The following CLVS1 variants were observed in gnomAD, a reference collection of about 807,000 sequenced individuals.
CLVS1 encodes the protein clavesin-1.
In CLVS1, 10 loss-of-function variants were observed where a neutral mutation model predicts 33.1. The observed-to-expected ratio is 0.30, with a 90% CI of 0.19 to 0.51. The LOEUF (loss-of-function observed/expected upper bound fraction) is 0.51, where lower values mean the gene tolerates loss of function less well. Ranked by LOEUF, CLVS1 falls within the 20% of genes least tolerant of loss-of-function variation. The probability of loss-of-function intolerance (pLI) is 0.97; values close to 1 mark genes in which losing one functional copy is unlikely to be tolerated. For missense variants in CLVS1, 343 were observed against 433.4 expected (o/e 0.79, Z 1.85); for synonymous variants, 163 against 166.1 (o/e 0.98, Z 0.14).
intron 2 of CLVS1, among the ~76,000 whole-genome samples, chr8:61,139,865 G>T (rs1343363410): frequency 2.0e-5 from 3 of 152,130 alleles, no homozygotes; most frequent in Admixed American, 6.5e-5. Context: ...ATTCCTGGGC[G>T]CAGCACGAGG....
chr8:61,232,449 AT>A (rs1230291704), intron 2 of CLVS1, among the ~76,000 whole-genome samples: 1 of 152,162 alleles, frequency 6.6e-6, no homozygotes, highest in Non-Finnish European at 1.5e-5. Context: ...TTTTGTGAAT[AT>A]GGAAAGTTTG....
chr8:61,305,972 G>T (rs1337139327), intron 2 of CLVS1, among the ~76,000 whole-genome samples: 1 of 152,106 alleles, frequency 6.6e-6, no homozygotes, highest in African/African-American at 2.4e-5. Context: ...CCATGTCTTT[G>T]CTACTGTGAA....
At chr8:61,396,548 G>T (rs764176224) in intron 3 of CLVS1, among the ~76,000 whole-genome samples, 2 of 152,046 alleles carry the variant, frequency 1.3e-5, no homozygotes, top group Non-Finnish European at 2.9e-5. Context: ...TAATTCATAT[G>T]CCATGTAAGA....
the CLVS1 span, among the ~76,000 whole-genome samples, chr8:60,981,819 G>A: frequency 1.3e-5 from 2 of 152,248 alleles, no homozygotes; most frequent in Admixed American, 6.5e-5. Flanking sequence ...TTGTAAGGAT[G>A]GAGGCCTGTG....
the CLVS1 span, among the ~76,000 whole-genome samples, chr8:61,033,998 T>A: frequency 6.6e-6 from 1 of 152,130 alleles, no homozygotes; most frequent in African/African-American, 2.4e-5. Context: ...CTCTGCCAGA[T>A]CTGCTTGATC....
At chr8:60,982,098 C>T in the CLVS1 span, among the ~76,000 whole-genome samples, 1 of 152,348 alleles carries the variant, frequency 6.6e-6, no homozygotes, top group South Asian at 2.1e-4. Context: ...TCTGTGGGAA[C>T]ATTCATGCCA....
At chr8:61,156,559 G>T (rs1354382778) in intron 2 of CLVS1, among the ~76,000 whole-genome samples, 1 of 152,136 alleles carries the variant, frequency 6.6e-6, no homozygotes, top group Non-Finnish European at 1.5e-5. Context: ...ATGTGTATCT[G>T]TGTGTTTTGT....
chr8:61,063,260 C>CGA (rs555022524), intron 1 of CLVS1, among the ~76,000 whole-genome samples: 14,023 of 81,710 alleles, frequency 0.17, 1,389 homozygotes, highest in Middle Eastern at 0.25. Flanking sequence ...AGTGAGGAAG[C>CGA]GAGAGAGAGA....
the CLVS1 span, among the ~76,000 whole-genome samples, chr8:61,035,639 G>A: frequency 6.6e-6 from 1 of 152,186 alleles, no homozygotes; most frequent in Non-Finnish European, 1.5e-5. Context: ...AAAGCTGCAG[G>A]TGTCTGCCCA....
At chr8:61,407,858 A>G (rs899730198) in intron 3 of CLVS1, among the ~76,000 whole-genome samples, 1 of 152,210 alleles carries the variant, frequency 6.6e-6, no homozygotes, top group Non-Finnish European at 1.5e-5. Context: ...TTTCTTTGCC[A>G]GTTCAAGTGT....
intron 2 of CLVS1, among the ~76,000 whole-genome samples, chr8:61,341,615 C>T (rs564431009): frequency 3.9e-5 from 6 of 152,290 alleles, no homozygotes; most frequent in East Asian, 1.9e-4. Flanking sequence ...CCTCCGTGAA[C>T]GGCAATCCAA....
chr8:60,985,335 C>T, the CLVS1 span, among the ~76,000 whole-genome samples: 1 of 152,246 alleles, frequency 6.6e-6, no homozygotes, highest in Admixed American at 6.5e-5. Flanking sequence ...ATAACTGGCA[C>T]CAGCCACGGG....
intron 1 of CLVS1, among the ~76,000 whole-genome samples, chr8:61,128,467 T>C (rs1806020133): frequency 1.3e-5 from 2 of 152,226 alleles, no homozygotes; most frequent in South Asian, 4.1e-4. Context: ...TTCCTTTCTT[T>C]ACATCTTTTT....
intron 2 of CLVS1, among the ~76,000 whole-genome samples, chr8:61,218,093 G>A (rs1808131237): frequency 6.6e-6 from 1 of 150,618 alleles, no homozygotes; most frequent in Non-Finnish European, 1.5e-5. Flanking sequence ...ACAGTATAGA[G>A]GTTTCTGAAA....
Position 61,400,009 on chromosome 8 carries a change from G to T in CLVS1, c.630+23230G>T, listed in dbSNP as rs575768669. On this transcript the variant is annotated intron_variant, in intron 3 of 5. Transcript: ENST00000325897. The stretch of plus-strand genomic sequence containing the variant: ...GCTCTTTTTGCTTAGGATTGTCTTG[G>T]CTATTTGGGCATTTTTTGCTTCCAT... Among the ~76,000 whole-genome samples the T allele has an allele frequency of 3.3e-5, 5 of 152,178 alleles. No individual in the cohort carries two copies. The East Asian group carries it at 9.6e-4, about 29-fold the overall frequency.
intron 1 of CLVS1, among the ~76,000 whole-genome samples, chr8:61,069,221 G>C (rs1006599014): frequency 1.3e-5 from 2 of 152,156 alleles, no homozygotes; most frequent in African/African-American, 4.8e-5. Flanking sequence ...ACCTGCCTCA[G>C]CCTCCCAAAG....
intron 5 of CLVS1, among the ~76,000 whole-genome samples, chr8:61,473,577 G>A (rs1817810706): frequency 6.6e-6 from 1 of 152,160 alleles, no homozygotes; most frequent in Admixed American, 6.5e-5. Flanking sequence ...AATTGGAGGT[G>A]GAGAGAGTAG....
chr8:61,151,453 G>A (rs1375748391), intron 2 of CLVS1, among the ~76,000 whole-genome samples: 1 of 152,154 alleles, frequency 6.6e-6, no homozygotes, highest in East Asian at 1.9e-4. Context: ...ACTCTTTCAA[G>A]ACCCCATGCC....
At position 61,427,864 on chromosome 8, in the gene CLVS1, C is replaced by T. The variant is rs978558034; in HGVS notation, c.631-26277C>T. Among the ~76,000 whole-genome samples the T allele has an allele frequency of 2.0e-5, 3 of 152,188 alleles. No individual in the cohort carries two copies. The East Asian group carries it at 5.8e-4, about 29-fold the overall frequency. On this transcript the variant is annotated intron_variant, in intron 3 of 5. Transcript: ENST00000325897. Reference sequence around the variant, plus strand: ...AAGCAGAAAAAACTAGCAGTTGGCACCTTTGTGCCTTCCATTGCAGGCCTC... The same window carrying T: ...AAGCAGAAAAAACTAGCAGTTGGCATCTTTGTGCCTTCCATTGCAGGCCTC...
Sources: gnomAD v4.1 joint callset for allele counts (sites outside exome capture counted in the v4.1 genomes callset) on GRCh38, gnomAD v4.1.1 for gene constraint, MANE v1.5 for transcripts, NCBI Gene and HGNC (gene_info 2026-07-23, HGNC 2026-07-21) for gene names.